The following MAP4K4 variants were observed in gnomAD, a reference collection of about 807,000 sequenced individuals.
MAP4K4 encodes HPK/GCK-like kinase HGK.
In MAP4K4, 38 loss-of-function variants were observed where a neutral mutation model predicts 189.6. The observed-to-expected ratio is 0.20, with a 90% CI of 0.15 to 0.26. The LOEUF (loss-of-function observed/expected upper bound fraction) is 0.26, where lower values mean the gene tolerates loss of function less well. MAP4K4 is among the 10% of genes least tolerant of loss of function. The probability of loss-of-function intolerance (pLI) is 1.00; values close to 1 mark genes in which losing one functional copy is unlikely to be tolerated. For missense variants in MAP4K4, 1,054 were observed against 1,726.9 expected (o/e 0.61, Z 6.91); for synonymous variants, 610 against 624.3 (o/e 0.98, Z 0.34).
chr2:101,759,820 C>CCCCTT (rs1385293854), intron 2 of MAP4K4, among the ~76,000 whole-genome samples: 6 of 138,008 alleles, frequency 4.3e-5, no homozygotes, highest in Admixed American at 1.5e-4. Flanking sequence ...CCTTCCCATC[C>CCCCTT]CCCTTCCCTT....
chr2:101,729,084 G>GAA, intron 2 of MAP4K4, among the ~76,000 whole-genome samples: 1 of 118,072 alleles, frequency 8.5e-6, no homozygotes, highest in Non-Finnish European at 1.8e-5. Flanking sequence ...AGAGGAGAGA[G>GAA]AGAGAGAGAG....
At chr2:101,771,830 C>CTACT (rs1389183749) in intron 2 of MAP4K4, among the ~76,000 whole-genome samples, 1 of 152,220 alleles carries the variant, frequency 6.6e-6, no homozygotes, top group Non-Finnish European at 1.5e-5. Flanking sequence ...CCAATTGACC[C>CTACT]TACTCCCTGT....
intron 16 of MAP4K4, among the ~76,000 whole-genome samples, chr2:101,862,426 A>G (rs1184942376): frequency 6.6e-6 from 1 of 152,006 alleles, no homozygotes; most frequent in African/African-American, 2.4e-5. Context: ...ACTGGACACA[A>G]TTAAAAGAGG....
intron 3 of MAP4K4, among the ~76,000 whole-genome samples, chr2:101,805,705 T>C (rs979166482): frequency 1.3e-5 from 2 of 152,224 alleles, no homozygotes; most frequent in African/African-American, 4.8e-5. Context: ...AATTGTATTA[T>C]CTTAACTGCA....
At chr2:101,871,601 C>G (rs759158611) in exon 24 of MAP4K4, 1 of 1,536,522 alleles carries the variant, frequency 6.5e-7, no homozygotes, top group Non-Finnish European at 8.7e-7. Flanking sequence ...CCTCCACTTC[C>G]TCCACCTCCT....
intron 2 of MAP4K4, among the ~76,000 whole-genome samples, chr2:101,704,563 ATATATTTTTTTT>A (rs1380386186): frequency 0.067 from 3,128 of 46,792 alleles, 42 homozygotes; most frequent in Non-Finnish European, 0.077. Flanking sequence ...ATATATATAT[ATATATTTTTTTT>A]TTTTTTTTTT....
exon 5 of MAP4K4, chr2:101,825,330 G>A: frequency 1.2e-6 from 2 of 1,610,666 alleles, no homozygotes; most frequent in Non-Finnish European, 1.7e-6. Flanking sequence ...TTGTTATGGA[G>A]TTCTGTGGGG....
At chr2:101,852,231 T>C (rs1044268452) in intron 12 of MAP4K4, among the ~76,000 whole-genome samples, 3 of 152,068 alleles carry the variant, frequency 2.0e-5, no homozygotes, top group African/African-American at 7.2e-5. Context: ...CTTGAAAAGA[T>C]TGCCTTAGGA....
intron 2 of MAP4K4, among the ~76,000 whole-genome samples, chr2:101,718,711 A>G (rs1365933664): frequency 6.6e-6 from 1 of 152,058 alleles, no homozygotes; most frequent in Non-Finnish European, 1.5e-5. Flanking sequence ...CTTTTTCTCT[A>G]CTTTCCTGTG....
chr2:101,710,511 G>A (rs896694173), intron 2 of MAP4K4, among the ~76,000 whole-genome samples: 1 of 152,124 alleles, frequency 6.6e-6, no homozygotes, highest in African/African-American at 2.4e-5. Flanking sequence ...TTTATAATAT[G>A]TGCCAGGCAC....
chr2:101,737,436 TA>T, intron 2 of MAP4K4, among the ~76,000 whole-genome samples: 1 of 32,838 alleles, frequency 3.0e-5, no homozygotes, highest in African/African-American at 1.5e-4. Flanking sequence ...GATATATATA[TA>T]TATATATATA....
chr2:101,861,714 T>A (rs945989968), intron 16 of MAP4K4: 2 of 152,138 alleles, frequency 1.3e-5, no homozygotes, highest in Non-Finnish European at 2.9e-5. Flanking sequence ...GCAACGAAGA[T>A]CATGGCTAAA....
intron 2 of MAP4K4, among the ~76,000 whole-genome samples, chr2:101,765,083 A>T (rs1054712284): frequency 6.6e-6 from 1 of 152,218 alleles, no homozygotes; most frequent in Admixed American, 6.5e-5. Context: ...AATGCAAGGG[A>T]ATAATCAGAT....
At chr2:101,837,556 A>G (rs2096794705) in intron 9 of MAP4K4, among the ~76,000 whole-genome samples, 1 of 152,176 alleles carries the variant, frequency 6.6e-6, no homozygotes, top group Non-Finnish European at 1.5e-5. Context: ...GTATTAAGAC[A>G]TAATAACTCT....
intron 3 of MAP4K4, among the ~76,000 whole-genome samples, chr2:101,815,405 A>G (rs185759281): frequency 1.3e-5 from 2 of 152,332 alleles, no homozygotes; most frequent in East Asian, 3.9e-4. Context: ...TAGATGCCCA[A>G]CAGACGTAAT....
chr2:101,763,453 G>T (rs1191348905), intron 2 of MAP4K4, among the ~76,000 whole-genome samples: 1 of 152,160 alleles, frequency 6.6e-6, no homozygotes, highest in Non-Finnish European at 1.5e-5. Context: ...TTATCTTGAT[G>T]ATTGTGATTT....
In MAP4K4 at chr2:101,714,161, C is replaced by T. The variant is rs545801684; in HGVS notation, c.123+15623C>T. ...GGAATGCTAAACAATCAAGCCTTTT[C>T]AGGTTTAGTTTAATAGTTGTTATTC... On this transcript the variant is annotated intron_variant, in intron 2 of 32. Transcript: ENST00000324219. Among the ~76,000 whole-genome samples, 199 of 152,282 alleles carry T rather than the reference C, an allele frequency of 1.3e-3. 1 individual carries two copies. Among genetic ancestry groups the T allele is most frequent in the African/African-American group, 4.6e-3 (191 of 41,538 alleles).
At chr2:101,786,648 C>T (rs1009150344) in intron 2 of MAP4K4, among the ~76,000 whole-genome samples, 3 of 152,066 alleles carry the variant, frequency 2.0e-5, no homozygotes, top group East Asian at 1.9e-4. Flanking sequence ...AGAAATTTGA[C>T]GAGTTAGTAG....
At chr2:101,718,613 G>T (rs1331689650) in intron 2 of MAP4K4, among the ~76,000 whole-genome samples, 2 of 132,400 alleles carry the variant, frequency 1.5e-5, no homozygotes, top group Non-Finnish European at 3.3e-5. Context: ...TGGGGGGTGG[G>T]GTGGTGGTGG....
Sources: gnomAD v4.1 joint callset for allele counts (sites outside exome capture counted in the v4.1 genomes callset) on GRCh38, gnomAD v4.1.1 for gene constraint, MANE v1.5 for transcripts, NCBI Gene and HGNC (gene_info 2026-07-23, HGNC 2026-07-21) for gene names.